Variants in ROBO2 observed in about 807,000 individuals in gnomAD.
The protein encoded by ROBO2 is roundabout homolog 2.
Under a neutral mutation model 160.8 loss-of-function variants are expected in ROBO2, and 53 were observed. The ratio of observed to expected loss-of-function variants is 0.33; its 90% CI spans 0.26 to 0.41. The LOEUF (loss-of-function observed/expected upper bound fraction) is 0.41. Ranked by LOEUF, ROBO2 falls within the 10% of genes least tolerant of loss-of-function variation. ROBO2 has a pLI of 1.00. For synonymous variants in ROBO2, 664 were observed against 611.7 expected (o/e 1.09, Z -1.26); for missense variants, 1,577 against 1,722.4 (o/e 0.92, Z 1.49).
chr3:77,345,152 A>G (rs930998228), intron 2 of ROBO2, among the ~76,000 whole-genome samples: 2 of 152,156 alleles, frequency 1.3e-5, no homozygotes, highest in East Asian at 1.9e-4. Context: ...AACTGGCTTG[A>G]CTAGGTGAAG....
intron 2 of ROBO2, among the ~76,000 whole-genome samples, chr3:76,092,772 T>C (rs2069285705): frequency 6.6e-6 from 1 of 152,196 alleles, no homozygotes; most frequent in Non-Finnish European, 1.5e-5. Flanking sequence ...TGTGAAGCTG[T>C]TTTCTAAGGA....
intron 2 of ROBO2, among the ~76,000 whole-genome samples, chr3:76,400,353 A>G (rs2077741968): frequency 6.6e-6 from 1 of 151,700 alleles, no homozygotes; most frequent in Admixed American, 6.6e-5. Flanking sequence ...AAAGTGACTC[A>G]CCCAAAAGGG....
intron 2 of ROBO2, among the ~76,000 whole-genome samples, chr3:76,414,263 T>TA (rs2075644830): frequency 6.6e-6 from 1 of 152,198 alleles, no homozygotes; most frequent in Non-Finnish European, 1.5e-5. Context: ...TTTGTCTGTA[T>TA]GCTTATAAAT....
intron 2 of ROBO2, among the ~76,000 whole-genome samples, chr3:76,235,993 A>G (rs1210229451): frequency 6.6e-6 from 1 of 152,212 alleles, no homozygotes; most frequent in African/African-American, 2.4e-5. Context: ...TGGTAATTTC[A>G]TATGTCAATA....
At chr3:77,059,749 C>T (rs1237670389) in intron 1 of ROBO2, among the ~76,000 whole-genome samples, 1 of 152,158 alleles carries the variant, frequency 6.6e-6, no homozygotes, top group Non-Finnish European at 1.5e-5. Context: ...GCATCACTCT[C>T]TGTCACTGTC....
exon 26 of ROBO2, chr3:77,646,223 G>T: frequency 4.4e-6 from 2 of 457,992 alleles, no homozygotes; most frequent in South Asian, 6.7e-5. Context: ...TATTTTCATT[G>T]TGTTCTTCTC....
chr3:76,998,563 A>G (rs2061159245), intron 2 of ROBO2, among the ~76,000 whole-genome samples: 1 of 152,182 alleles, frequency 6.6e-6, no homozygotes, highest in Non-Finnish European at 1.5e-5. Flanking sequence ...TTACTCAACA[A>G]TTTATAGCTA....
intron 2 of ROBO2, among the ~76,000 whole-genome samples, chr3:76,828,186 A>G (rs2066744745): frequency 1.3e-5 from 2 of 152,284 alleles, no homozygotes; most frequent in South Asian, 4.1e-4. Flanking sequence ...TAAATTTGTG[A>G]AACTCTATGA....
chr3:77,011,920 A>G (rs919978986), intron 2 of ROBO2, among the ~76,000 whole-genome samples: 2 of 152,150 alleles, frequency 1.3e-5, no homozygotes, highest in African/African-American at 4.8e-5. Context: ...GAAAAGAGAT[A>G]TGAGGAGCAC....
At chr3:75,959,466 A>T (rs995722591) in intron 2 of ROBO2, among the ~76,000 whole-genome samples, 6 of 151,768 alleles carry the variant, frequency 4.0e-5, no homozygotes, top group African/African-American at 1.4e-4. Context: ...GGTCTCTAGG[A>T]TGGAGCTACA....
intron 2 of ROBO2, among the ~76,000 whole-genome samples, chr3:76,088,320 A>G (rs1239374643): frequency 1.3e-5 from 2 of 152,206 alleles, no homozygotes; most frequent in African/African-American, 2.4e-5. Context: ...CAAATCCAAC[A>G]GGCAGAAAAT....
intron 2 of ROBO2, among the ~76,000 whole-genome samples, chr3:76,069,800 G>C (rs2107949395): frequency 6.6e-6 from 1 of 152,232 alleles, no homozygotes; most frequent in South Asian, 2.1e-4. Flanking sequence ...CGGGAAGTCA[G>C]GGACCCTGAA....
At chr3:76,942,215 T>C (rs1430521290) in intron 2 of ROBO2, among the ~76,000 whole-genome samples, 1 of 152,232 alleles carries the variant, frequency 6.6e-6, no homozygotes, top group East Asian at 1.9e-4. Context: ...TGAAACTCAC[T>C]GATTTGTTTT....
chr3:76,497,809 C>T (rs963014416), intron 2 of ROBO2, among the ~76,000 whole-genome samples: 1 of 152,204 alleles, frequency 6.6e-6, no homozygotes, highest in African/African-American at 2.4e-5. Context: ...TTGACTCAGG[C>T]TGAGACATTA....
At chr3:77,146,668 G>T (rs529115985) in intron 2 of ROBO2, among the ~76,000 whole-genome samples, 25 of 151,964 alleles carry the variant, frequency 1.6e-4, no homozygotes, top group Admixed American at 9.8e-4. Context: ...GCGTACAGGT[G>T]TAAAAAGGCC....
chr3:76,169,232 A>C (rs1399852460), intron 2 of ROBO2, among the ~76,000 whole-genome samples: 3 of 152,180 alleles, frequency 2.0e-5, no homozygotes, highest in Admixed American at 6.5e-5. Flanking sequence ...CAGTAAATAC[A>C]CAGGTTGCTT....
At chr3:76,909,018 A>C (rs2075797684) in intron 2 of ROBO2, among the ~76,000 whole-genome samples, 1 of 152,174 alleles carries the variant, frequency 6.6e-6, no homozygotes, top group African/African-American at 2.4e-5. Flanking sequence ...GCTTAAGGCC[A>C]GGGGTTAGAG....
chr3:76,400,076 G>T (rs1035361459), intron 2 of ROBO2, among the ~76,000 whole-genome samples: 3 of 151,524 alleles, frequency 2.0e-5, no homozygotes, highest in African/African-American at 7.3e-5. Context: ...AAAATCCCAA[G>T]AACTTGAAAA....
intron 2 of ROBO2, among the ~76,000 whole-genome samples, chr3:75,964,607 A>T (rs541165243): frequency 3.3e-5 from 5 of 151,576 alleles, no homozygotes; most frequent in Non-Finnish European, 7.4e-5. Context: ...TGTATATGAG[A>T]TGCAGATGCT....
Sources: gnomAD v4.1 joint callset for allele counts (sites outside exome capture counted in the v4.1 genomes callset) on GRCh38, gnomAD v4.1.1 for gene constraint, MANE v1.5 for transcripts, NCBI Gene and HGNC (gene_info 2026-07-23, HGNC 2026-07-21) for gene names.